The following PCMTD1 variants were observed in gnomAD, a reference collection of about 807,000 sequenced individuals.
PCMTD1 encodes the protein protein-L-isoaspartate (D-aspartate) O-methyltransferase domain containing 1.
Under a neutral mutation model 37.6 loss-of-function variants are expected in PCMTD1, and 12 were observed. The observed-to-expected ratio is 0.32, with a 90% confidence interval of 0.20 to 0.52. PCMTD1 has a LOEUF of 0.52. Among genes scored for constraint, PCMTD1 ranks in the 20% least tolerant of loss-of-function variants. The pLI, the probability that PCMTD1 is intolerant of heterozygous loss-of-function variation, is 0.97. For missense variants in PCMTD1, 235 were observed against 421.3 expected (o/e 0.56, Z 3.87); for synonymous variants, 117 against 135.8 (o/e 0.86, Z 0.96).
intron 1 of PCMTD1, among the ~76,000 whole-genome samples, chr8:51,897,570 GAGTCATCTAGCCTCATGTA>G (rs2039024237): frequency 6.6e-6 from 1 of 152,020 alleles, no homozygotes; most frequent in African/African-American, 2.4e-5. Flanking sequence ...ATGTTTTATG[GAGTCATCTAGCCTCATGTA>G]AACTACCATT....
rs2038230867 is a variant in PCMTD1, at chr8:51,846,967, T to C, written c.308-1204A>G. On this transcript the variant is annotated intron_variant, in intron 2 of 5. Coordinates refer to ENST00000522514, the MANE Select transcript of PCMTD1 (RefSeq NM_052937.4). Reference sequence around the variant, plus strand: ...ATAGGAAAAATAAATAAAAAGGTGCTTGATTCATCAAACCACAACAGAATT... The same window carrying C: ...ATAGGAAAAATAAATAAAAAGGTGCCTGATTCATCAAACCACAACAGAATT... Among the ~76,000 whole-genome samples the C allele has an allele frequency of 2.6e-5, 4 of 152,238 alleles. No homozygotes were observed. The South Asian group carries it at 8.3e-4, about 31-fold the overall frequency.
chr8:51,853,602 A>AT (rs1324014358), intron 2 of PCMTD1, among the ~76,000 whole-genome samples: 6 of 152,344 alleles, frequency 3.9e-5, no homozygotes, highest in African/African-American at 1.4e-4. Context: ...CCTTAGGAAG[A>AT]TATGTACATA....
rs190559881 is a variant in PCMTD1, at chr8:51,889,015, C to T, written c.-96+9915G>A. ...TGATTCAAATCTGCTTTATTTTACA[C>T]ACAACTATGGTGGGTCTAGTGTGAC... On this transcript the variant is annotated intron_variant, in intron 1 of 5. Transcript: ENST00000522514. 8.3e-4 allele frequency among the ~76,000 whole-genome samples: 126 copies of T among 152,306 alleles called. No individual in the cohort carries two copies. In the Middle Eastern group the frequency reaches 0.01, roughly 12 times the overall value.
rs768002827 is a variant in PCMTD1, at chr8:51,878,238, A to AT, written c.-95-16993dup. Among the ~76,000 whole-genome samples, 63 of 74,380 alleles carry AT rather than the reference A, an allele frequency of 8.5e-4. 9 individuals are homozygous for AT. Among genetic ancestry groups the AT allele is most frequent in the South Asian group, 1.1e-3 (2 of 1,798 alleles). 48.8% of individuals were successfully genotyped at this position (74,380 alleles called of 152,430 possible). A position where few individuals can be genotyped will look rare whatever the true frequency, so the allele number is the denominator to read the frequency against. On this transcript the variant is annotated intron_variant, in intron 1 of 5. Coordinates refer to ENST00000522514, the MANE Select transcript of PCMTD1 (RefSeq NM_052937.4). Reference sequence around the variant, plus strand: ...GTAAACTTTCTTAAAATATTATGAGATTTTTTTTTTGGTTTTTTTTTTTTT... The same window carrying AT: ...GTAAACTTTCTTAAAATATTATGAGATTTTTTTTTTTGGTTTTTTTTTTTTT...
chr8:51,826,816 C>A, intron 5 of PCMTD1: 1 of 651,526 alleles, frequency 1.5e-6, no homozygotes, highest in African/African-American at 2.0e-5. Context: ...TTAAACAATG[C>A]ATCTTTCTTT....
chr8:51,886,544 T>G (rs969051835), intron 1 of PCMTD1, among the ~76,000 whole-genome samples: 5 of 152,106 alleles, frequency 3.3e-5, no homozygotes, highest in Non-Finnish European at 5.9e-5. Context: ...AGAAAGCAGC[T>G]CCAAAAATCC....
At chr8:51,834,816 T>C (rs925495829) in intron 3 of PCMTD1, among the ~76,000 whole-genome samples, 2 of 152,178 alleles carry the variant, frequency 1.3e-5, no homozygotes, top group Non-Finnish European at 2.9e-5. Flanking sequence ...TACCAAAATA[T>C]ATGCCCTGCC....
At position 51,825,555 on chromosome 8, in the gene PCMTD1, G is replaced by A. The variant is rs2037909682; in HGVS notation, c.707-4837C>T. 5.2e-5 allele frequency among the ~76,000 whole-genome samples: 3 copies of A among 57,830 alleles called. 1 individual carries two copies. The highest frequency in any genetic ancestry group is 1.7e-3 in the South Asian group (2 of 1,144). 37.9% of individuals were successfully genotyped at this position (57,830 alleles called of 152,430 possible). ...TAAAAATACAAAAAATTAGCCGGGC[G>A]CGGTGGCGGGCGCCTGTAGTCCCAG... On this transcript the variant is annotated intron_variant, in intron 5 of 5. Transcript: ENST00000522514.
In PCMTD1 at chr8:51,878,250, G is replaced by GTTTTTT. The variant is rs375362623; in HGVS notation, c.-95-17010_-95-17005dup. 2.4e-3 allele frequency among the ~76,000 whole-genome samples: 339 copies of GTTTTTT among 139,064 alleles called. 9 individuals carry two copies. Among genetic ancestry groups the GTTTTTT allele is most frequent in the Non-Finnish European group, 3.7e-3 (241 of 64,682 alleles). 91.2% of individuals were successfully genotyped at this position (139,064 alleles called of 152,430 possible). A position where few individuals can be genotyped will look rare whatever the true frequency, so the allele number is the denominator to read the frequency against. ...AAAATATTATGAGATTTTTTTTTTG[G>GTTTTTT]TTTTTTTTTTTTTTTAGCTCATCAG... is the stretch of plus-strand genomic sequence containing the variant. On this transcript the variant is annotated intron_variant, in intron 1 of 5. Transcript: ENST00000522514.
At chr8:51,896,630 C>T (rs1158077436) in intron 1 of PCMTD1, among the ~76,000 whole-genome samples, 1 of 152,096 alleles carries the variant, frequency 6.6e-6, no homozygotes, top group African/African-American at 2.4e-5. Context: ...AGCATAAGAT[C>T]AAGGAGTTTA....
intron 1 of PCMTD1, among the ~76,000 whole-genome samples, chr8:51,868,359 A>G (rs1221484437): frequency 6.6e-6 from 1 of 152,158 alleles, no homozygotes; most frequent in Non-Finnish European, 1.5e-5. Flanking sequence ...AATAAAAAGG[A>G]AAAGCAGCAT....
chr8:51,828,662 T>C (rs1365767117), intron 5 of PCMTD1, among the ~76,000 whole-genome samples: 2 of 152,224 alleles, frequency 1.3e-5, no homozygotes, highest in Non-Finnish European at 2.9e-5. Context: ...CCACTCACAA[T>C]ATTTATGATT....
At chr8:51,842,504 T>G (rs1018906236) in intron 3 of PCMTD1, among the ~76,000 whole-genome samples, 3 of 151,650 alleles carry the variant, frequency 2.0e-5, no homozygotes, top group African/African-American at 4.8e-5. Context: ...TTTTTTTTTT[T>G]GTAGAGACAG....
intron 3 of PCMTD1, among the ~76,000 whole-genome samples, chr8:51,840,637 T>C (rs1009460575): frequency 6.6e-6 from 1 of 152,104 alleles, no homozygotes; most frequent in African/African-American, 2.4e-5. Flanking sequence ...GAATAAAAGA[T>C]GACAGAATAT....
chr8:51,862,959 C>T (rs1318931850), intron 1 of PCMTD1, among the ~76,000 whole-genome samples: 14 of 152,138 alleles, frequency 9.2e-5, no homozygotes, highest in Non-Finnish European at 5.9e-5. Flanking sequence ...GATGCCAATT[C>T]ACTATTCCTT....
intron 1 of PCMTD1, among the ~76,000 whole-genome samples, chr8:51,893,302 G>GA (rs1259900206): frequency 1.3e-5 from 2 of 152,112 alleles, no homozygotes; most frequent in African/African-American, 4.8e-5. Flanking sequence ...GCAGATATAA[G>GA]AAAAAACTGT....
chr8:51,827,560 TA>T (rs1331371930), intron 5 of PCMTD1, among the ~76,000 whole-genome samples: 2 of 152,058 alleles, frequency 1.3e-5, no homozygotes, highest in African/African-American at 2.4e-5. Flanking sequence ...TAAAAACACA[TA>T]ATATATATAC....
At chr8:51,867,938 A>T (rs1180078344) in intron 1 of PCMTD1, among the ~76,000 whole-genome samples, 10 of 152,144 alleles carry the variant, frequency 6.6e-5, no homozygotes, top group Admixed American at 4.6e-4. Flanking sequence ...GCACTGTGTT[A>T]TCTGTGATTG....
upstream of PCMTD1, chr8:51,899,083 G>A (rs940563808): frequency 6.3e-5 from 94 of 1,487,324 alleles, no homozygotes; most frequent in African/African-American, 8.6e-5. Context: ...AGAGCCTCCC[G>A]GACTCCGGAG....
Sources: allele counts gnomAD v4.1 joint callset (sites outside exome capture counted in the v4.1 genomes callset), GRCh38; gene constraint gnomAD v4.1.1; transcripts MANE v1.5; gene names NCBI Gene and HGNC (gene_info 2026-07-23, HGNC 2026-07-21).